Variants in LIMCH1 observed in about 807,000 individuals in gnomAD.
The protein encoded by LIMCH1 is LIM and calponin homology domains 1, also known as LIM and calponin homology domains-containing protein 1.
A neutral mutation model predicts 176.5 loss-of-function variants in LIMCH1; 113 were observed. The ratio of observed to expected loss-of-function variants is 0.64; its 90% CI spans 0.55 to 0.75. The LOEUF (loss-of-function observed/expected upper bound fraction) is 0.75. Ranked by LOEUF, LIMCH1 falls within the 30% of genes least tolerant of loss-of-function variation. The probability of loss-of-function intolerance (pLI) is 0.00; values close to 1 mark genes in which losing one functional copy is unlikely to be tolerated. For synonymous variants in LIMCH1, 619 were observed against 645.9 expected (o/e 0.96, Z 0.63); for missense variants, 1,674 against 1,814.9 (o/e 0.92, Z 1.41).
chr4:41,651,684 T>C (rs6822473), intron 18 of LIMCH1, among the ~76,000 whole-genome samples: 2,362 of 152,262 alleles, frequency 0.016, 61 homozygotes, highest in African/African-American at 0.054. Flanking sequence ...TCCCCGGCGA[T>C]GTATATATAA....
intron 2 of LIMCH1, among the ~76,000 whole-genome samples, chr4:41,500,467 G>A (rs551733549): frequency 6.6e-6 from 1 of 152,298 alleles, no homozygotes; most frequent in Admixed American, 6.5e-5. Flanking sequence ...AACGAATGAG[G>A]TAAGTGATAA....
chr4:41,505,873 C>A (rs967038195), intron 2 of LIMCH1, among the ~76,000 whole-genome samples: 1 of 151,738 alleles, frequency 6.6e-6, no homozygotes, highest in African/African-American at 2.4e-5. Context: ...CAATGACTGC[C>A]TTTAACTTTC....
chr4:41,654,752 C>T (rs1480668903), intron 18 of LIMCH1, among the ~76,000 whole-genome samples: 4 of 152,102 alleles, frequency 2.6e-5, no homozygotes, highest in South Asian at 4.2e-4. Context: ...GTGAGGAGCC[C>T]ACCAGAGGAC....
chr4:41,691,797 C>A (rs541237082), intron 30 of LIMCH1, among the ~76,000 whole-genome samples: 127 of 152,094 alleles, frequency 8.4e-4, no homozygotes, highest in Non-Finnish European at 1.4e-3. Context: ...GGAACAGGTA[C>A]TTCCTAGAAA....
At chr4:41,648,851 T>C (rs972309399) in intron 17 of LIMCH1, among the ~76,000 whole-genome samples, 2 of 152,028 alleles carry the variant, frequency 1.3e-5, no homozygotes, top group East Asian at 1.9e-4. Context: ...ATCAGTTTAG[T>C]GGTTTGAAGC....
At chr4:41,621,573 C>T (rs1407265368) in intron 7 of LIMCH1, among the ~76,000 whole-genome samples, 3 of 151,374 alleles carry the variant, frequency 2.0e-5, no homozygotes, top group African/African-American at 4.9e-5. Flanking sequence ...GCAATCTTGG[C>T]TCACTGCAAC....
At position 41,367,684 on chromosome 4, in the gene LIMCH1, C is replaced by CAAAAAA. The variant is rs35832745; in HGVS notation, c.96+6765_96+6770dup. Among the ~76,000 whole-genome samples the CAAAAAA allele has an allele frequency of 4.2e-4, 41 of 96,506 alleles. 1 individual carries two copies. The highest frequency in any genetic ancestry group is 9.1e-4 in the Admixed American group (7 of 7,662). The allele number at this position is 96,506 out of a possible 152,430, so 63.3% of individuals were successfully genotyped here. A position where few individuals can be genotyped will look rare whatever the true frequency, so the allele number is the denominator to read the frequency against. ...TGAAACCCTGTCTCTACTAAAAATC[C>CAAAAAA]AAAAAAAAAAAAAAAAAAAAAAGGA... On this transcript the variant is annotated intron_variant, in intron 1 of 26. Coordinates refer to the LIMCH1 transcript ENST00000313860.
chr4:41,570,639 A>G (rs73146355), intron 1 of LIMCH1, among the ~76,000 whole-genome samples: 2 of 152,164 alleles, frequency 1.3e-5, no homozygotes, highest in Non-Finnish European at 2.9e-5. Flanking sequence ...TGCTCCGAAC[A>G]TTTTGTGGCA....
chr4:41,490,342 G>A (rs1378858071), intron 1 of LIMCH1, among the ~76,000 whole-genome samples: 10 of 150,924 alleles, frequency 6.6e-5, no homozygotes, highest in Non-Finnish European at 1.2e-4. Flanking sequence ...GATGTGGCAG[G>A]GTCATAGGAT....
intron 1 of LIMCH1, among the ~76,000 whole-genome samples, chr4:41,591,032 G>C (rs2087451997): frequency 2.0e-5 from 3 of 152,050 alleles, no homozygotes; most frequent in African/African-American, 7.2e-5. Context: ...TTCAAATGTA[G>C]AAAACCTAAC....
chr4:41,465,725 C>T (rs761701378), intron 1 of LIMCH1, among the ~76,000 whole-genome samples: 1 of 152,146 alleles, frequency 6.6e-6, no homozygotes, highest in Non-Finnish European at 1.5e-5. Context: ...CCTTCTAAAG[C>T]CCAAGTAATA....
intron 22 of LIMCH1, among the ~76,000 whole-genome samples, chr4:41,675,170 T>A (rs2095173848): frequency 6.6e-6 from 1 of 152,222 alleles, no homozygotes. Flanking sequence ...TAAATATTGA[T>A]GAAGTTATAA....
At chr4:41,632,917 G>T (rs747818888) in intron 11 of LIMCH1, 50 bp downstream of exon 11, 9 of 1,528,312 alleles carry the variant, frequency 5.9e-6, no homozygotes, top group African/African-American at 1.4e-5. Context: ...AGGACAGGTG[G>T]GGTCAGAGCC....
intron 10 of LIMCH1, among the ~76,000 whole-genome samples, chr4:41,631,978 A>C (rs933728214): frequency 6.6e-6 from 1 of 152,214 alleles, no homozygotes; most frequent in Non-Finnish European, 1.5e-5. Context: ...ATAATAAATC[A>C]GGAGTCTTAA....
chr4:41,515,982 A>C (rs147236870), intron 2 of LIMCH1, among the ~76,000 whole-genome samples: 18 of 152,354 alleles, frequency 1.2e-4, no homozygotes, highest in African/African-American at 4.1e-4. Context: ...AATTACAATC[A>C]TTTAAACATA....
intron 1 of LIMCH1, among the ~76,000 whole-genome samples, chr4:41,598,350 TC>T (rs1370479090): frequency 6.6e-6 from 1 of 152,180 alleles, no homozygotes; most frequent in East Asian, 1.9e-4. Context: ...TTAAAAGCTT[TC>T]CCTGTCCTTT....
At chr4:41,499,823 GA>G (rs201363446) in intron 2 of LIMCH1, among the ~76,000 whole-genome samples, 32 of 148,862 alleles carry the variant, frequency 2.1e-4, no homozygotes, top group Admixed American at 5.3e-4. Flanking sequence ...TCTCAAAAAA[GA>G]AAAAAAAAAT....
intron 1 of LIMCH1, among the ~76,000 whole-genome samples, chr4:41,484,419 G>A (rs2069171533): frequency 6.6e-6 from 1 of 152,186 alleles, no homozygotes; most frequent in Non-Finnish European, 1.5e-5. Context: ...TGTTTACAAA[G>A]CACTTCTGTA....
At chr4:41,609,666 T>C in intron 4 of LIMCH1, 1 of 455,894 alleles carries the variant, frequency 2.2e-6, no homozygotes, top group Non-Finnish European at 4.4e-6. Context: ...ATGAGTAAAA[T>C]AATCCCAAAA....
Sources: gnomAD v4.1 joint callset for allele counts (sites outside exome capture counted in the v4.1 genomes callset) on GRCh38, gnomAD v4.1.1 for gene constraint, MANE v1.5 for transcripts, NCBI Gene and HGNC (gene_info 2026-07-23, HGNC 2026-07-21) for gene names.